The following SVIL variants were observed in gnomAD, a reference collection of about 807,000 sequenced individuals.
The protein encoded by SVIL is supervillin.
In SVIL, 101 loss-of-function variants were observed where a neutral mutation model predicts 240.4. That is an observed-to-expected ratio of 0.42 (90% confidence interval 0.36 to 0.50). SVIL has a LOEUF of 0.50. Among genes scored for constraint, SVIL ranks in the 20% least tolerant of loss-of-function variants. SVIL has a pLI of 0.01. For synonymous variants in SVIL, 999 were observed against 1,100.0 expected, an observed-to-expected ratio of 0.91 and a Z score of 1.82; for missense variants, 2,512 against 2,818.7, an observed-to-expected ratio of 0.89 and a Z score of 2.46.
Position 29,536,087 on chromosome 10 carries a change from CA to C in SVIL, c.828-19del, listed in dbSNP as rs1564597589. On this transcript the variant is annotated intron_variant, in intron 6 of 37. Transcript: ENST00000355867. ...TCCCTGTACTATTGTGTACAAAAAA[CA>C]AAACCAGATAATCTCTATTAAAACG... The C allele has an allele frequency of 6.2e-7, 1 of 1,612,234 alleles. No individual in the cohort carries two copies. The highest frequency in any genetic ancestry group is 8.5e-7 in the Non-Finnish European group (1 of 1,178,270).
chr10:29,521,902 A>G (rs1950582384), intron 16 of SVIL, among the ~76,000 whole-genome samples: 2 of 152,226 alleles, frequency 1.3e-5, no homozygotes, highest in Non-Finnish European at 2.9e-5. Context: ...AAAGTCATCC[A>G]TTTTACAATC....
At position 29,575,961 on chromosome 10, in the gene SVIL, T is replaced by C. The variant is rs1405465208; in HGVS notation, c.-200-6649A>G. The C allele has an allele frequency of 1.1e-5, 3 of 276,598 alleles. No individual in the cohort carries two copies. In the East Asian group the frequency reaches 5.2e-4, roughly 48 times the overall value. 17.1% of individuals were successfully genotyped at this position (276,598 alleles called of 1,614,324 possible). ...TATTAGTATAGTATTCTAACAGTGC[T>C]AGGATATGTTTTGATCACTGATGAA... On this transcript the variant is annotated intron_variant, in intron 1 of 37. Coordinates refer to ENST00000355867, the MANE Select transcript of SVIL (RefSeq NM_021738.3).
intron 3 of SVIL, among the ~76,000 whole-genome samples, chr10:29,643,747 G>A (rs1958564486): frequency 6.6e-6 from 1 of 152,104 alleles, no homozygotes; most frequent in Non-Finnish European, 1.5e-5. Flanking sequence ...GGCTTTAGCT[G>A]AAAATCTTTG....
rs541267138 is a variant in SVIL, at chr10:29,464,668, G to T, written c.6133+927C>A. ...GTTGATAACCCGCCCTGAGCCCCAG[G>T]ATGAAGGGCGTGGGCACACCCTCTC... is the stretch of plus-strand genomic sequence containing the variant. On this transcript the variant is annotated intron_variant, in intron 34 of 37. Coordinates refer to ENST00000355867, the MANE Select transcript of SVIL (RefSeq NM_021738.3). Among the ~76,000 whole-genome samples the T allele has an allele frequency of 1.8e-3, 272 of 152,278 alleles. 12 individuals are homozygous for T. In the South Asian group the frequency reaches 0.056, roughly 31 times the overall value.
intron 1 of SVIL, among the ~76,000 whole-genome samples, chr10:29,585,028 A>G (rs533689574): frequency 3.8e-4 from 58 of 151,924 alleles, no homozygotes; most frequent in African/African-American, 1.3e-3. Flanking sequence ...CAGCCTCCCA[A>G]GTAGCTGGGA....
intron 1 of SVIL, chr10:29,711,898 A>G (rs1247090): frequency 0.28 from 41,826 of 149,184 alleles, 6,016 homozygotes; most frequent in African/African-American, 0.35. Flanking sequence ...AGGTCAAGGC[A>G]GGTGGATTAC....
chr10:29,579,655 A>G (rs1295344567), intron 1 of SVIL, among the ~76,000 whole-genome samples: 1 of 152,172 alleles, frequency 6.6e-6, no homozygotes, highest in Admixed American at 6.5e-5. Flanking sequence ...TCAGACTTAC[A>G]GGGAGGCTAT....
intron 3 of SVIL, among the ~76,000 whole-genome samples, chr10:29,642,417 G>GAGAAAGAA (rs71020802): frequency 2.3e-3 from 285 of 123,554 alleles, no homozygotes; most frequent in African/African-American, 2.2e-3. Flanking sequence ...GAGAGAGAGT[G>GAGAAAGAA]AGAAAGAAAG....
intron 6 of SVIL, among the ~76,000 whole-genome samples, chr10:29,537,042 C>T (rs949763785): frequency 6.6e-5 from 10 of 151,598 alleles, no homozygotes; most frequent in Admixed American, 3.3e-4. Flanking sequence ...TGCAGTGGCA[C>T]GTTGGTAAAT....
chr10:29,538,865 A>T (rs1051872153), intron 6 of SVIL, among the ~76,000 whole-genome samples: 2 of 152,234 alleles, frequency 1.3e-5, no homozygotes, highest in African/African-American at 4.8e-5. Flanking sequence ...AATGTATGTA[A>T]TAAGAAACAA....
chr10:29,575,668 A>T (rs1398005692), intron 1 of SVIL, among the ~76,000 whole-genome samples: 1 of 151,686 alleles, frequency 6.6e-6, no homozygotes, highest in East Asian at 1.9e-4. Context: ...GTGAGCGGCT[A>T]CCTTTGCCGG....
At chr10:29,461,999 T>G (rs1333611263) in intron 36 of SVIL, among the ~76,000 whole-genome samples, 1 of 152,260 alleles carries the variant, frequency 6.6e-6, no homozygotes, top group Non-Finnish European at 1.5e-5. Context: ...TTCGCAGCTT[T>G]TATGTACATA....
upstream of SVIL, among the ~76,000 whole-genome samples, chr10:29,637,255 C>T (rs905666026): frequency 1.6e-4 from 24 of 152,234 alleles, no homozygotes; most frequent in African/African-American, 4.8e-4. Context: ...TAGGCCGAGG[C>T]GGGTGGATCA....
rs1181986228 is a variant in SVIL, at chr10:29,467,808, C to T, written c.5911G>A (p.Glu1971Lys). The part of the protein sequence containing the change: ...VTIHECDEGS[E>K]PLGFWDALGR... ...AAGGCATCCCAGAATCCGAGTGGCT[C>T]GGAGCCTTCATCACACTCGTGTATT... The change falls in exon 33 of 38, where the codon GAG becomes AAG. Residue 1971 changes from glutamate to lysine, a missense_variant. Transcript: ENST00000355867. 7 of 1,614,176 alleles carry T rather than the reference C, an allele frequency of 4.3e-6. No homozygotes were observed. The highest frequency in any genetic ancestry group is 2.2e-5 in the East Asian group (1 of 44,880).
intron 1 of SVIL, among the ~76,000 whole-genome samples, chr10:29,594,644 C>T (rs1178897390): frequency 1.3e-5 from 2 of 151,396 alleles, no homozygotes; most frequent in African/African-American, 4.9e-5. Flanking sequence ...GCAATCTTTG[C>T]CTCCTGGGCT....
chr10:29,610,164 C>G (rs976995807), intron 1 of SVIL, among the ~76,000 whole-genome samples: 2 of 152,140 alleles, frequency 1.3e-5, no homozygotes, highest in East Asian at 3.9e-4. Flanking sequence ...TCTTGCAGAT[C>G]TCTATCTCCA....
chr10:29,587,497 A>C (rs543619362), intron 1 of SVIL, among the ~76,000 whole-genome samples: 64 of 152,208 alleles, frequency 4.2e-4, no homozygotes, highest in African/African-American at 1.5e-3. Context: ...TGTGCCAAAA[A>C]CTCTTCCAAG....
chr10:29,517,731 A>C (rs1950311082), intron 16 of SVIL, among the ~76,000 whole-genome samples: 1 of 152,196 alleles, frequency 6.6e-6, no homozygotes, highest in Non-Finnish European at 1.5e-5. Flanking sequence ...AGTTCCACTA[A>C]GTCCTTACAT....
intron 21 of SVIL, 22 bp from the exon 22 acceptor site, chr10:29,491,041 C>T (rs772855986): frequency 1.4e-5 from 23 of 1,605,242 alleles, no homozygotes; most frequent in Non-Finnish European, 1.7e-5. Flanking sequence ...AGCAGAGCCG[C>T]GGTCCCAGTC....
Sources: allele counts gnomAD v4.1 joint callset (sites outside exome capture counted in the v4.1 genomes callset), GRCh38; gene constraint gnomAD v4.1.1; transcripts MANE v1.5; gene names NCBI Gene and HGNC (gene_info 2026-07-23, HGNC 2026-07-21).